The following MCTP1 variants were observed in gnomAD, a reference collection of about 807,000 sequenced individuals.
The protein encoded by MCTP1 is multiple C2 and transmembrane domain containing 1.
Under a neutral mutation model 120.6 loss-of-function variants are expected in MCTP1, and 69 were observed. That is an observed-to-expected ratio of 0.57 (90% CI 0.47 to 0.70). The LOEUF (loss-of-function observed/expected upper bound fraction) is 0.70, where lower values mean the gene tolerates loss of function less well. MCTP1 is among the 30% of genes least tolerant of loss of function. The probability of loss-of-function intolerance (pLI) is 0.00; values close to 1 mark genes in which losing one functional copy is unlikely to be tolerated. For missense variants in MCTP1, 1,203 were observed against 1,248.8 expected (o/e 0.96, Z 0.55); for synonymous variants, 529 against 493.1 (o/e 1.07, Z -0.96).
intron 1 of MCTP1, among the ~76,000 whole-genome samples, chr5:95,165,238 C>A (rs538963735): frequency 6.6e-5 from 10 of 152,298 alleles, no homozygotes; most frequent in African/African-American, 2.2e-4. Context: ...GCATCTGATA[C>A]AATTTCATTT....
chr5:94,980,950 A>G (rs918329660), intron 2 of MCTP1: 10 of 152,192 alleles, frequency 6.6e-5, no homozygotes, highest in Non-Finnish European at 1.3e-4. Flanking sequence ...AGATAAGCAA[A>G]GCAAAATGTT....
At chr5:95,098,905 T>C (rs1439031949) in intron 1 of MCTP1, among the ~76,000 whole-genome samples, 3 of 152,294 alleles carry the variant, frequency 2.0e-5, no homozygotes, top group East Asian at 3.9e-4. Flanking sequence ...AACAGCATGG[T>C]ACTGGTACCA....
intron 1 of MCTP1, among the ~76,000 whole-genome samples, chr5:95,237,249 C>A (rs999898639): frequency 5.3e-5 from 8 of 152,104 alleles, no homozygotes; most frequent in African/African-American, 1.9e-4. Flanking sequence ...TAACCTTTTC[C>A]CAGAACCAGC....
chr5:95,011,759 C>T (rs1836008247), intron 2 of MCTP1, among the ~76,000 whole-genome samples: 1 of 152,070 alleles, frequency 6.6e-6, no homozygotes, highest in Non-Finnish European at 1.5e-5. Context: ...CCTAAGTTAC[C>T]CAGTCTCAGG....
intron 2 of MCTP1, among the ~76,000 whole-genome samples, chr5:94,983,338 T>TA (rs1384961523): frequency 3.3e-5 from 5 of 152,190 alleles, no homozygotes; most frequent in Non-Finnish European, 7.4e-5. Flanking sequence ...GGAAATTAGT[T>TA]ACAAAGCAAT....
chr5:95,078,540 G>T (rs1754179798), intron 1 of MCTP1, among the ~76,000 whole-genome samples: 2 of 152,120 alleles, frequency 1.3e-5, no homozygotes, highest in Admixed American at 1.3e-4. Context: ...CATATTTCTG[G>T]TTCATAAAGG....
chr5:94,999,382 G>T (rs1833212135), intron 2 of MCTP1, among the ~76,000 whole-genome samples: 1 of 152,104 alleles, frequency 6.6e-6, no homozygotes, highest in South Asian at 2.1e-4. Context: ...TTTGTTAATA[G>T]ATGCTAAATT....
chr5:94,870,094 A>T (rs1476867405), intron 16 of MCTP1, among the ~76,000 whole-genome samples: 1 of 152,074 alleles, frequency 6.6e-6, no homozygotes, highest in Non-Finnish European at 1.5e-5. Flanking sequence ...TGGCAATCAA[A>T]TTGCATTTTA....
Position 94,710,864 on chromosome 5 carries a change from T to C in MCTP1, c.2784A>G (p.Thr928=), listed in dbSNP as rs111237627. ...WLAIVALCVF[T]AILYCIPLRY... is the part of the protein sequence containing the mutation. ...TCAGCGGAATGCAGTACAGGATGGC[T>C]GTGAACACACAGAGGGCTACAATGG... The change falls in exon 21 of 23, where the codon ACA becomes ACG. Residue 928 remains threonine (T), a synonymous_variant. Coordinates refer to ENST00000515393, the MANE Select transcript of MCTP1 (RefSeq NM_024717.7). The C allele has an allele frequency of 1.2e-6, 2 of 1,613,028 alleles. No individual in the cohort carries two copies. Among genetic ancestry groups the C allele is most frequent in the Admixed American group, 1.7e-5 (1 of 59,890 alleles).
At chr5:95,103,119 TTTA>T (rs1756857116) in intron 1 of MCTP1, among the ~76,000 whole-genome samples, 2 of 151,388 alleles carry the variant, frequency 1.3e-5, no homozygotes, top group East Asian at 1.9e-4. Context: ...TTTATTAATA[TTTA>T]TTATTTATTA....
At chr5:95,136,238 C>T (rs917408638) in intron 1 of MCTP1, among the ~76,000 whole-genome samples, 3 of 152,182 alleles carry the variant, frequency 2.0e-5, no homozygotes, top group Admixed American at 6.5e-5. Flanking sequence ...TGAATCCTTC[C>T]CTAACACCCA....
chr5:95,192,116 G>A (rs1749887146), intron 1 of MCTP1, among the ~76,000 whole-genome samples: 1 of 151,832 alleles, frequency 6.6e-6, no homozygotes, highest in African/African-American at 2.4e-5. Context: ...AAAATTGCAT[G>A]CACAGAAAGA....
intron 1 of MCTP1, among the ~76,000 whole-genome samples, chr5:95,217,632 T>C (rs1753191417): frequency 1.3e-5 from 2 of 152,182 alleles, no homozygotes; most frequent in South Asian, 4.1e-4. Context: ...AATGAGGAGT[T>C]CACAGGCATT....
intron 10 of MCTP1, among the ~76,000 whole-genome samples, chr5:94,897,631 C>T (rs1804398829): frequency 6.6e-6 from 1 of 152,172 alleles, no homozygotes; most frequent in Non-Finnish European, 1.5e-5. Context: ...TCCCAAAGTG[C>T]TGGGATTACA....
intron 1 of MCTP1, among the ~76,000 whole-genome samples, chr5:95,172,590 A>ATT (rs61349080): frequency 0.17 from 25,084 of 150,434 alleles, 2,679 homozygotes; most frequent in African/African-American, 0.31. Context: ...ATATCAAACT[A>ATT]TTTTTTTTTT....
chr5:94,914,506 C>G (rs1387959223), intron 8 of MCTP1, among the ~76,000 whole-genome samples: 1 of 152,244 alleles, frequency 6.6e-6, no homozygotes, highest in Non-Finnish European at 1.5e-5. Flanking sequence ...AATATTTGAA[C>G]ATTTCAATGA....
intron 4 of MCTP1, among the ~76,000 whole-genome samples, chr5:94,941,310 G>A (rs960010145): frequency 6.6e-6 from 1 of 151,974 alleles, no homozygotes; most frequent in Non-Finnish European, 1.5e-5. Context: ...ACAGCGGCAG[G>A]GAGGTGTGAG....
chr5:94,869,493 C>G (rs1311208672), intron 16 of MCTP1, among the ~76,000 whole-genome samples: 1 of 151,942 alleles, frequency 6.6e-6, no homozygotes, highest in African/African-American at 2.4e-5. Context: ...ACTTTTATTA[C>G]TTTTATGTAT....
intron 8 of MCTP1, 69 bp downstream of exon 8, chr5:94,917,827 G>T: frequency 8.1e-7 from 1 of 1,241,018 alleles, no homozygotes; most frequent in East Asian, 2.3e-5. Flanking sequence ...AGTACAGTAA[G>T]TTGGCTCTCA....
Sources: allele counts gnomAD v4.1 joint callset (sites outside exome capture counted in the v4.1 genomes callset), GRCh38; gene constraint gnomAD v4.1.1; transcripts MANE v1.5; gene names NCBI Gene and HGNC (gene_info 2026-07-23, HGNC 2026-07-21).